ADGRL3: variants seen among roughly 807,000 people sequenced by gnomAD.
The protein encoded by ADGRL3 is calcium-independent alpha-latrotoxin receptor 3.
In ADGRL3, 62 loss-of-function variants were observed where a neutral mutation model predicts 153.5. The ratio of observed to expected loss-of-function variants is 0.40; its 90% CI spans 0.33 to 0.50. ADGRL3 has a LOEUF of 0.50. Ranked by LOEUF, ADGRL3 falls within the 20% of genes least tolerant of loss-of-function variation. The pLI is 0.47. For synonymous variants in ADGRL3, 710 were observed against 672.5 expected (o/e 1.06, Z -0.86); for missense variants, 1,641 against 1,859.4 (o/e 0.88, Z 2.16).
chr4:61,463,340 G>T (rs1170173095), intron 2 of ADGRL3, among the ~76,000 whole-genome samples: 1 of 152,132 alleles, frequency 6.6e-6, no homozygotes, highest in Non-Finnish European at 1.5e-5. Flanking sequence ...GCAGGTCTCA[G>T]GAAACTTAAC....
At chr4:61,890,779 AT>A (rs1234650610) in intron 9 of ADGRL3, among the ~76,000 whole-genome samples, 1 of 152,166 alleles carries the variant, frequency 6.6e-6, no homozygotes, top group South Asian at 2.1e-4. Context: ...GTCAAAAAAG[AT>A]TTTTTTGTCA....
chr4:61,740,075 T>G (rs2096565107), intron 8 of ADGRL3, among the ~76,000 whole-genome samples: 1 of 152,242 alleles, frequency 6.6e-6, no homozygotes, highest in South Asian at 2.1e-4. Flanking sequence ...AAAATGATTT[T>G]AAGCATTAGC....
At chr4:61,767,806 C>T (rs1008859220) in intron 8 of ADGRL3, among the ~76,000 whole-genome samples, 4 of 152,032 alleles carry the variant, frequency 2.6e-5, no homozygotes, top group Admixed American at 6.6e-5. Flanking sequence ...ACAGTTCAGG[C>T]GTTTGGAAGT....
At chr4:61,528,158 G>A (rs995764930) in intron 4 of ADGRL3, among the ~76,000 whole-genome samples, 69 of 152,002 alleles carry the variant, frequency 4.5e-4, no homozygotes, top group African/African-American at 1.4e-3. Context: ...AAATAATAAC[G>A]GTCATAACTC....
chr4:61,621,032 T>C (rs2092473366), intron 5 of ADGRL3, among the ~76,000 whole-genome samples: 1 of 152,192 alleles, frequency 6.6e-6, no homozygotes, highest in South Asian at 2.1e-4. Context: ...TTTTGTTTGT[T>C]TTTTATTTGT....
chr4:61,907,547 G>A (rs553260003), intron 11 of ADGRL3, among the ~76,000 whole-genome samples: 150 of 151,388 alleles, frequency 9.9e-4, no homozygotes, highest in African/African-American at 3.5e-3. Context: ...ATGAGCCACC[G>A]TGCCCAGCCC....
At chr4:61,934,292 T>C (rs1198400089) in intron 13 of ADGRL3, among the ~76,000 whole-genome samples, 1 of 152,150 alleles carries the variant, frequency 6.6e-6, no homozygotes, top group Non-Finnish European at 1.5e-5. Context: ...GGAGTATGTA[T>C]GCTTTGATAT....
At chr4:61,363,768 T>A (rs551999873) in intron 1 of ADGRL3, among the ~76,000 whole-genome samples, 3 of 152,272 alleles carry the variant, frequency 2.0e-5, no homozygotes, top group African/African-American at 4.8e-5. Flanking sequence ...GATTTTTTTT[T>A]AATCTTTTCA....
intron 8 of ADGRL3, among the ~76,000 whole-genome samples, chr4:61,746,675 A>G (rs889340888): frequency 2.0e-5 from 3 of 152,248 alleles, no homozygotes; most frequent in African/African-American, 7.2e-5. Flanking sequence ...CAAAGAAACA[A>G]CATACCAGAA....
intron 25 of ADGRL3, among the ~76,000 whole-genome samples, chr4:62,066,809 A>T (rs1396255900): frequency 3.9e-5 from 6 of 152,140 alleles, no homozygotes; most frequent in Non-Finnish European, 8.8e-5. Context: ...CCTAAGGCAG[A>T]TGTGAAGTGA....
chr4:61,272,309 T>C (rs1409567781), intron 1 of ADGRL3, among the ~76,000 whole-genome samples: 1 of 151,992 alleles, frequency 6.6e-6, no homozygotes, highest in Non-Finnish European at 1.5e-5. Context: ...AAAATCAGTA[T>C]ATGGAAGTCA....
intron 9 of ADGRL3, among the ~76,000 whole-genome samples, chr4:61,831,122 C>G (rs1581042739): frequency 1.3e-5 from 2 of 152,096 alleles, no homozygotes; most frequent in East Asian, 3.9e-4. Flanking sequence ...TGCCTGACCT[C>G]AAGGGATCCA....
chr4:61,958,381 CTTT>C (rs1560430654), intron 17 of ADGRL3, among the ~76,000 whole-genome samples: 14 of 81,536 alleles, frequency 1.7e-4, no homozygotes, highest in Admixed American at 1.0e-3. Context: ...GTAAAGGTTT[CTTT>C]CTTTCTTTCT....
chr4:61,329,138 GA>G (rs1375549645), intron 1 of ADGRL3, among the ~76,000 whole-genome samples: 1 of 152,114 alleles, frequency 6.6e-6, no homozygotes, highest in African/African-American at 2.4e-5. Context: ...GCAGCTAGAT[GA>G]AAGGATGCGT....
intron 1 of ADGRL3, among the ~76,000 whole-genome samples, chr4:61,300,373 T>A (rs941141337): frequency 6.6e-6 from 1 of 152,224 alleles, no homozygotes; most frequent in Admixed American, 6.5e-5. Context: ...AAGCTTAATG[T>A]ACAATCTATT....
At chr4:61,317,338 T>C (rs912870097) in intron 1 of ADGRL3, among the ~76,000 whole-genome samples, 1 of 152,188 alleles carries the variant, frequency 6.6e-6, no homozygotes, top group African/African-American at 2.4e-5. Context: ...ACAGCAGATT[T>C]TTTGTGGAAC....
intron 2 of ADGRL3, among the ~76,000 whole-genome samples, chr4:61,404,150 G>T (rs891657127): frequency 6.6e-6 from 1 of 151,984 alleles, no homozygotes; most frequent in Non-Finnish European, 1.5e-5. Context: ...CAGTCCATTG[G>T]CAGAGACAGG....
At chr4:61,862,014 A>G (rs1434727360) in intron 9 of ADGRL3, among the ~76,000 whole-genome samples, 1 of 152,170 alleles carries the variant, frequency 6.6e-6, no homozygotes, top group Non-Finnish European at 1.5e-5. Flanking sequence ...CCTTTTTTAC[A>G]TAGCTTTGCA....
At chr4:61,491,541 TA>T (rs2098257950) in intron 2 of ADGRL3, among the ~76,000 whole-genome samples, 1 of 152,168 alleles carries the variant, frequency 6.6e-6, no homozygotes, top group South Asian at 2.1e-4. Flanking sequence ...GACAAATGAT[TA>T]AATAAAACAA....
Sources: allele counts gnomAD v4.1 joint callset (sites outside exome capture counted in the v4.1 genomes callset), GRCh38; gene constraint gnomAD v4.1.1; transcripts MANE v1.5; gene names NCBI Gene and HGNC (gene_info 2026-07-23, HGNC 2026-07-21).